The following MEG3 variants were observed in gnomAD, a reference collection of about 807,000 sequenced individuals.
MEG3 encodes Very putative protein from MEG3 locus.
intron 2 of MEG3, among the ~76,000 whole-genome samples, chr14:100,838,749 T>C (rs1442635828): frequency 6.6e-6 from 1 of 152,056 alleles, no homozygotes; most frequent in Non-Finnish European, 1.5e-5. Flanking sequence ...GTCTGGAAAC[T>C]GGCTCTCCTC....
chr14:100,859,272 ATGGGTCTCT>A (rs1409348186), exon 1 of MEG3: 1 of 152,046 alleles, frequency 6.6e-6, no homozygotes, highest in Non-Finnish European at 1.5e-5. Flanking sequence ...TGAACTGGGG[ATGGGTCTCT>A]ACCTGTTCTG....
intron 2 of MEG3, among the ~76,000 whole-genome samples, chr14:100,836,498 G>A (rs1476889298): frequency 6.6e-6 from 1 of 152,148 alleles, no homozygotes; most frequent in Non-Finnish European, 1.5e-5. Context: ...CAGCAAGCAT[G>A]TGTGGGGGTC....
exon 1 of MEG3, chr14:100,858,341 G>C (rs576141621): frequency 6.5e-6 from 1 of 152,834 alleles, no homozygotes; most frequent in African/African-American, 2.4e-5. Flanking sequence ...GACATCCCAC[G>C]CAGGGGTCCT....
At chr14:100,859,442 G>C (rs2038338959) in exon 1 of MEG3, 1 of 152,176 alleles carries the variant, frequency 6.6e-6, no homozygotes, top group African/African-American at 2.4e-5. Flanking sequence ...GTGATTTTGA[G>C]AATGTAGAAT....
chr14:100,844,920 G>A (rs1359869708), intron 2 of MEG3, among the ~76,000 whole-genome samples: 1 of 152,208 alleles, frequency 6.6e-6, no homozygotes. Context: ...ACTGCACTGT[G>A]AACAAAATTG....
At chr14:100,859,555 T>C (rs1187349174) in exon 1 of MEG3, 1 of 152,142 alleles carries the variant, frequency 6.6e-6, no homozygotes, top group African/African-American at 2.4e-5. Context: ...AGGAGGCTGT[T>C]CTACCTGAGA....
intron 1 of MEG3, among the ~76,000 whole-genome samples, chr14:100,828,161 C>T (rs1299248349): frequency 3.3e-5 from 5 of 152,016 alleles, no homozygotes; most frequent in African/African-American, 1.2e-4. Flanking sequence ...CCTGTCCATC[C>T]AGGCCCGCCG....
intron 1 of MEG3, among the ~76,000 whole-genome samples, chr14:100,827,741 C>G (rs1220728238): frequency 6.6e-6 from 1 of 152,106 alleles, no homozygotes; most frequent in Non-Finnish European, 1.5e-5. Flanking sequence ...TGGTGGCCCC[C>G]TTTGCGTTAC....
At position 100,836,807 on chromosome 14, in the gene MEG3, T is replaced by TCTCACA. The variant is rs2037597908; in HGVS notation, n.3045+507_3045+508insCTCACA. Among the ~76,000 whole-genome samples the TCTCACA allele has an allele frequency of 2.6e-5, 4 of 151,600 alleles. No individual in the cohort carries two copies. In the South Asian group the frequency reaches 8.4e-4, roughly 32 times the overall value. ...CCGTGGTTTCTCACACATGAGGCTT[T>TCTCACA]GATAATGTCCTTTAATCAAATAGTG... On this transcript the variant is annotated intron_variant and non_coding_transcript_variant, in intron 2 of 3. Coordinates refer to the MEG3 transcript ENST00000398461.
At chr14:100,839,708 A>G (rs941576) in intron 2 of MEG3, among the ~76,000 whole-genome samples, 67,613 of 151,982 alleles carry the variant, frequency 0.44, 15,283 homozygotes, top group Admixed American at 0.47. Context: ...GAGGGCGTGC[A>G]GACCCTCCCC....
rs57470388 is a variant in MEG3 at position 100,858,285 on chromosome 14, C to T, written n.1041C>T. On this transcript the variant is annotated non_coding_transcript_exon_variant, in exon 1 of 2. Transcript: ENST00000398460. ...GAAGGAGGCTGTGCCCTCCAGGGGA[C>T]TCAGCTGCGTTAGAGGAGGTGCTGC... The T allele has an allele frequency of 8.7e-3, 1,332 of 152,996 alleles. 23 individuals are homozygous for T. Among genetic ancestry groups the T allele is most frequent in the African/African-American group, 0.03 (1,241 of 41,562 alleles). 9.5% of individuals were successfully genotyped at this position (152,996 alleles called of 1,614,324 possible).
chr14:100,856,945 C>G (rs1004995973), upstream of MEG3: 3 of 152,216 alleles, frequency 2.0e-5, no homozygotes, highest in African/African-American at 4.8e-5. Context: ...ACCCCTCCCC[C>G]CAACTGACAA....
At chr14:100,858,814 G>C (rs2038317495) in exon 1 of MEG3, 1 of 152,778 alleles carries the variant, frequency 6.5e-6, no homozygotes, top group Admixed American at 6.5e-5. Flanking sequence ...AGCAGAGGGG[G>C]CCCCTCCTAT....
downstream of MEG3, chr14:100,831,515 G>A (rs964521264): frequency 3.9e-5 from 6 of 152,574 alleles, no homozygotes; most frequent in African/African-American, 9.7e-5. Flanking sequence ...GCTCTACTCC[G>A]TGGAAGCACG....
chr14:100,840,227 T>A (rs541111363), intron 2 of MEG3, among the ~76,000 whole-genome samples: 74 of 152,204 alleles, frequency 4.9e-4, no homozygotes, highest in Non-Finnish European at 1.0e-3. Context: ...GGAGAGTTCT[T>A]AAGTCCCCTA....
intron 3 of MEG3, chr14:100,847,696 T>C (rs1176012490): frequency 6.6e-6 from 1 of 152,026 alleles, no homozygotes; most frequent in Admixed American, 6.6e-5. Flanking sequence ...GCCCCATGGG[T>C]CCTCCTGATG....
intron 3 of MEG3, chr14:100,846,681 G>T (rs2037926691): frequency 6.6e-6 from 1 of 152,232 alleles, no homozygotes; most frequent in Non-Finnish European, 1.5e-5. Flanking sequence ...AGCAAGCCAG[G>T]ATGAGAGTGT....
At chr14:100,857,608 ATTTG>A (rs2140010264) in exon 1 of MEG3, 1 of 152,120 alleles carries the variant, frequency 6.6e-6, no homozygotes, top group South Asian at 2.1e-4. Flanking sequence ...CAGAGTAAAT[ATTTG>A]TTTGATTGAT....
intron 1 of MEG3, among the ~76,000 whole-genome samples, chr14:100,828,401 C>T (rs1229942265): frequency 6.6e-6 from 1 of 150,828 alleles, no homozygotes; most frequent in Non-Finnish European, 1.5e-5. Flanking sequence ...CTCGTCCCTC[C>T]TCCCCCTCCT....
Sources: allele counts gnomAD v4.1 joint callset (sites outside exome capture counted in the v4.1 genomes callset), GRCh38; gene constraint gnomAD v4.1.1; transcripts MANE v1.5; gene names NCBI Gene and HGNC (gene_info 2026-07-23, HGNC 2026-07-21).